The following AGAP1 variants were observed in gnomAD, a reference collection of about 807,000 sequenced individuals.
The protein encoded by AGAP1 is arf-GAP with GTPase, ANK repeat and PH domain-containing protein 1.
In AGAP1, 29 loss-of-function variants were observed where a neutral mutation model predicts 105.3. The observed-to-expected ratio is 0.28, with a 90% CI of 0.21 to 0.38. The LOEUF is 0.38. AGAP1 is among the 10% of genes least tolerant of loss of function. The pLI, the probability that AGAP1 is intolerant of heterozygous loss-of-function variation, is 1.00. For missense variants in AGAP1, 998 were observed against 1,165.1 expected (o/e 0.86, Z 2.09); for synonymous variants, 509 against 485.9 (o/e 1.05, Z -0.63).
chr2:236,112,215 A>G (rs948094040), intron 16 of AGAP1, among the ~76,000 whole-genome samples: 2 of 152,190 alleles, frequency 1.3e-5, no homozygotes, highest in African/African-American at 4.8e-5. Context: ...CCATAGTTTG[A>G]GACCAGCCTG....
At chr2:235,498,483 G>A (rs1184583401) in intron 1 of AGAP1, among the ~76,000 whole-genome samples, 3 of 152,202 alleles carry the variant, frequency 2.0e-5, no homozygotes, top group Non-Finnish European at 4.4e-5. Flanking sequence ...GAGCCTGAGA[G>A]CCATCTCGCC....
rs761261601 is a variant in AGAP1 at position 235,891,449 on chromosome 2, A to G, written c.1155+8000A>G. 1.3e-5 allele frequency among the ~76,000 whole-genome samples: 2 copies of G among 152,334 alleles called. No homozygotes were observed. Among genetic ancestry groups the G allele is most frequent in the Non-Finnish European group, 2.9e-5 (2 of 68,034 alleles). On this transcript the variant is annotated intron_variant, in intron 10 of 17. Transcript: ENST00000304032. This position sits in a 1 kb window ranked among gnomAD's most constrained non-coding sequence, Gnocchi z 4.2. Reference sequence around the variant, plus strand: ...ATCACAGTTCAGGTGGATCGAGGGCAGCCTGTTCTAAGACCCTGAGAGTCC... The same window carrying G: ...ATCACAGTTCAGGTGGATCGAGGGCGGCCTGTTCTAAGACCCTGAGAGTCC...
intron 2 of AGAP1, among the ~76,000 whole-genome samples, chr2:235,715,143 A>G (rs895452548): frequency 4.6e-5 from 7 of 152,096 alleles, no homozygotes; most frequent in African/African-American, 1.7e-4. Context: ...TACTTAACCA[A>G]CGTTCCTTCC....
Position 235,968,554 on chromosome 2 carries a change from A to C in AGAP1, c.1576A>C (p.Arg526=). The change falls in exon 13 of 18, where the codon AGA becomes CGA. Residue 526 remains arginine, a synonymous_variant. Transcript: ENST00000304032. Reference sequence around the variant, plus strand: ...CCCGCCCCCCTCCCCTCACGCCAACAGAAAGAAGCACCGAAGGAAGAAAAG... The same window carrying C: ...CCCGCCCCCCTCCCCTCACGCCAACCGAAAGAAGCACCGAAGGAAGAAAAG... ...LDPPPSPHAN[R]KKHRRKKSTS... 1 of 1,302,746 alleles carries C rather than the reference A, an allele frequency of 7.7e-7. No homozygotes were observed. The highest frequency in any genetic ancestry group is 1.0e-6 in the Non-Finnish European group (1 of 989,780). 80.7% of individuals were successfully genotyped at this position (1,302,746 alleles called of 1,614,324 possible).
chr2:235,899,195 A>G (rs1045810657), intron 10 of AGAP1, among the ~76,000 whole-genome samples: 6 of 152,172 alleles, frequency 3.9e-5, no homozygotes, highest in African/African-American at 1.4e-4. Context: ...CAGAGGACAG[A>G]TGTATATGCT....
At chr2:235,999,576 TG>T (rs2056004492) in intron 13 of AGAP1, among the ~76,000 whole-genome samples, 1 of 78,086 alleles carries the variant, frequency 1.3e-5, no homozygotes. Context: ...ATGACCAATA[TG>T]ATATGGTGGT....
Position 236,120,239 on chromosome 2 carries a change from T to A in AGAP1, c.2162T>A (p.Phe721Tyr), listed in dbSNP as rs758659677. The A allele has an allele frequency of 6.2e-7, 1 of 1,613,372 alleles. No homozygotes were observed. Among genetic ancestry groups the A allele is most frequent in the Non-Finnish European group, 8.5e-7 (1 of 1,179,582 alleles). ...CGTGCCAAGTACGAGCAGAAGCTCTTCCTGGCCCCGCTGCCCTGCACGGAG... is the reference window on the plus strand; with the variant it reads ...CGTGCCAAGTACGAGCAGAAGCTCTACCTGGCCCCGCTGCCCTGCACGGAG... ...WIRAKYEQKL[F>Y]LAPLPCTELS... The change falls in exon 17 of 18, where the codon TTC becomes TAC. Residue 721 changes from phenylalanine to tyrosine, a missense_variant. Around this residue, in one of 3 missense-constraint regions of AGAP1, gnomAD observed 235 missense variants for 270.7 expected, o/e 0.87. Transcript: ENST00000304032. The surrounding 1 kb of genome is among the most constrained non-coding windows in gnomAD (Gnocchi z 6.0).
intron 1 of AGAP1, among the ~76,000 whole-genome samples, chr2:235,533,677 A>G (rs186748436): frequency 6.6e-6 from 1 of 152,360 alleles, no homozygotes; most frequent in Non-Finnish European, 1.5e-5. Context: ...ATGAAAAGGA[A>G]TGCTTAGAAA....
At position 235,665,948 on chromosome 2, in the gene AGAP1, A is replaced by C. The variant is rs1948113103; in HGVS notation, c.164-43231A>C. Among the ~76,000 whole-genome samples, 1 of 152,248 alleles carries C rather than the reference A, an allele frequency of 6.6e-6. No individual in the cohort carries two copies. The highest frequency in any genetic ancestry group is 2.1e-4 in the South Asian group (1 of 4,826). Reference sequence around the variant, plus strand: ...GCAACACTTGGAAATACTATTCTCCAGGAGAATGTTTGATTTATAGGTAGC... The same window carrying C: ...GCAACACTTGGAAATACTATTCTCCCGGAGAATGTTTGATTTATAGGTAGC... On this transcript the variant is annotated intron_variant, in intron 1 of 17. Transcript: ENST00000304032. The surrounding 1 kb of genome is among the most constrained non-coding windows in gnomAD (Gnocchi z 5.3).
At position 235,642,887 on chromosome 2, in the gene AGAP1, T is replaced by C. The variant is rs1279395393; in HGVS notation, c.164-66292T>C. On this transcript the variant is annotated intron_variant, in intron 1 of 17. Coordinates refer to ENST00000304032, the MANE Select transcript of AGAP1 (RefSeq NM_001037131.3). The surrounding 1 kb of genome is among the most constrained non-coding windows in gnomAD (Gnocchi z 4.1). ...GGCAGATTTCTCGTGGCCTAGACTGTGGTGTTTGGGGCCGCCTGTCTGTAA... is the reference window on the plus strand; with the variant it reads ...GGCAGATTTCTCGTGGCCTAGACTGCGGTGTTTGGGGCCGCCTGTCTGTAA... 6.6e-6 allele frequency among the ~76,000 whole-genome samples: 1 copy of C among 152,158 alleles called. No individual in the cohort carries two copies. The highest frequency in any genetic ancestry group is 2.4e-5 in the African/African-American group (1 of 41,434).
At chr2:235,648,779 C>T (rs556315649) in intron 1 of AGAP1, among the ~76,000 whole-genome samples, 3 of 151,256 alleles carry the variant, frequency 2.0e-5, no homozygotes, top group Non-Finnish European at 4.4e-5. Context: ...CCCAGCTACT[C>T]GGGAGGCTGA....
chr2:236,047,692 T>G (rs1360351709), intron 15 of AGAP1, among the ~76,000 whole-genome samples: 3 of 140,466 alleles, frequency 2.1e-5, no homozygotes. Context: ...CTCTGCCTCC[T>G]GAGTTCAAGC....
chr2:235,856,572 C>T (rs1287804900), intron 9 of AGAP1, among the ~76,000 whole-genome samples: 4 of 152,244 alleles, frequency 2.6e-5, no homozygotes, highest in Admixed American at 6.5e-5. Context: ...CCTCATCAGT[C>T]GTGAGCAGCT....
rs1946813521 is a variant in AGAP1 at position 235,631,029 on chromosome 2, G to T, written c.164-78150G>T. Among the ~76,000 whole-genome samples, 2 of 152,278 alleles carry T rather than the reference G, an allele frequency of 1.3e-5. No individual in the cohort carries two copies. Among genetic ancestry groups the T allele is most frequent in the African/African-American group, 2.4e-5 (1 of 41,574 alleles). On this transcript the variant is annotated intron_variant, in intron 1 of 17. Transcript: ENST00000304032. This position sits in a 1 kb window ranked among gnomAD's most constrained non-coding sequence, Gnocchi z 5.4. ...AACTGTGAATCGTGTCGTAAAACGCGTCTTTGGCCTGTCAAAAATATTTTG... is the reference window on the plus strand; with the variant it reads ...AACTGTGAATCGTGTCGTAAAACGCTTCTTTGGCCTGTCAAAAATATTTTG...
rs2050047689 is a variant in AGAP1, at chr2:235,882,003, G to A, written c.1051-1342G>A. The stretch of plus-strand genomic sequence containing the variant: ...AAAAATTCTGCTTTACAAATATAAG[G>A]TGAGAATACAGTTAATGCAGTTTGG... On this transcript the variant is annotated intron_variant, in intron 9 of 17. Coordinates refer to ENST00000304032, the MANE Select transcript of AGAP1 (RefSeq NM_001037131.3). The surrounding 1 kb of genome is among the most constrained non-coding windows in gnomAD (Gnocchi z 4.6). Among the ~76,000 whole-genome samples, 2 of 152,122 alleles carry A rather than the reference G, an allele frequency of 1.3e-5. No individual in the cohort carries two copies. The highest frequency in any genetic ancestry group is 6.5e-5 in the Admixed American group (1 of 15,284).
intron 9 of AGAP1, among the ~76,000 whole-genome samples, chr2:235,840,866 C>T (rs903042221): frequency 7.9e-5 from 12 of 151,024 alleles, no homozygotes; most frequent in Non-Finnish European, 1.8e-4. Flanking sequence ...AGTGTGAGAT[C>T]CAGGAATTTG....
In AGAP1 at chr2:235,578,018, A is replaced by G. The variant is rs6431387; in HGVS notation, c.163+83169A>G. 0.67 allele frequency among the ~76,000 whole-genome samples: 102,047 copies of G among 152,016 alleles called. 36,246 individuals carry two copies. The highest frequency in any genetic ancestry group is 0.92 in the African/African-American group (38,168 of 41,494). Reference sequence around the variant, plus strand: ...GGTGCCTGCGTGTGCTGGTCCCGCCATCAGGACTTCCCCTCGTGAGGAGCT... The same window carrying G: ...GGTGCCTGCGTGTGCTGGTCCCGCCGTCAGGACTTCCCCTCGTGAGGAGCT... On this transcript the variant is annotated intron_variant, in intron 1 of 17. Coordinates refer to ENST00000304032, the MANE Select transcript of AGAP1 (RefSeq NM_001037131.3). The surrounding 1 kb of genome is among the most constrained non-coding windows in gnomAD (Gnocchi z 4.9).
intron 1 of AGAP1, among the ~76,000 whole-genome samples, chr2:235,658,225 T>C (rs1947836847): frequency 6.6e-6 from 1 of 152,200 alleles, no homozygotes; most frequent in South Asian, 2.1e-4. Context: ...GCGTTTTTTC[T>C]AGTTTGTGCA....
Position 236,080,130 on chromosome 2 carries a change from C to G in AGAP1, c.2114+30849C>G, listed in dbSNP as rs377031377. ...ACCCTAAGCTTAGGAACCAAATCTTCTACAGTGGGCACAAAGCACATTTGC... is the reference window on the plus strand; with the variant it reads ...ACCCTAAGCTTAGGAACCAAATCTTGTACAGTGGGCACAAAGCACATTTGC... On this transcript the variant is annotated intron_variant, in intron 16 of 17. Transcript: ENST00000304032. The surrounding 1 kb of genome is among the most constrained non-coding windows in gnomAD (Gnocchi z 4.2). Among the ~76,000 whole-genome samples the G allele has an allele frequency of 3.3e-5, 5 of 152,324 alleles. No homozygotes were observed. Among genetic ancestry groups the G allele is most frequent in the Admixed American group, 2.6e-4 (4 of 15,298 alleles).
Sources: gnomAD v4.1 joint callset for allele counts (sites outside exome capture counted in the v4.1 genomes callset) on GRCh38, gnomAD v4.1.1 for gene constraint, gnomAD v4.1.1 regional missense constraint, Gnocchi (gnomAD v3.1) non-coding constraint, MANE v1.5 for transcripts, NCBI Gene and HGNC (gene_info 2026-07-23, HGNC 2026-07-21) for gene names.